TMEM196: variants seen among roughly 807,000 people sequenced by gnomAD.
The protein encoded by TMEM196 is transmembrane protein 196.
In TMEM196, 17 loss-of-function variants were observed where a neutral mutation model predicts 20.0. The ratio of observed to expected loss-of-function variants is 0.85; its 90% CI spans 0.58 to 1.27. The LOEUF is 1.27. Ranked by LOEUF, TMEM196 falls within the 50% of genes most tolerant of loss-of-function variation. TMEM196 has a pLI of 0.00. For missense variants in TMEM196, 267 were observed against 223.0 expected (o/e 1.20, Z -1.26); for synonymous variants, 113 against 88.9 (o/e 1.27, Z -1.52).
intron 1 of TMEM196, among the ~76,000 whole-genome samples, chr7:19,749,150 T>C: frequency 6.6e-6 from 1 of 152,202 alleles, no homozygotes. Context: ...TTTGTCCTGA[T>C]CACTTTATTT....
chr7:19,724,884 TA>T (rs1783937811), intron 3 of TMEM196, among the ~76,000 whole-genome samples: 1 of 152,234 alleles, frequency 6.6e-6, no homozygotes. Flanking sequence ...GACATCATAC[TA>T]TACCATTTGT....
At position 19,748,279 on chromosome 7, in the gene TMEM196, A is replaced by AC. The variant is rs1258110981; in HGVS notation, c.148-18842_148-18841insG. ...GTGGCTGTCCAAAAAAAAAAAAAAAAAAAAAAAAAAAACAGTGTAATGACA... is the reference window on the plus strand; with the variant it reads ...GTGGCTGTCCAAAAAAAAAAAAAAAACAAAAAAAAAAAACAGTGTAATGACA... On this transcript the variant is annotated intron_variant, in intron 1 of 4. Transcript: ENST00000405844. 3.1e-4 allele frequency among the ~76,000 whole-genome samples: 46 copies of AC among 150,236 alleles called. 1 individual carries two copies. Among genetic ancestry groups the AC allele is most frequent in the African/African-American group, 1.0e-3 (42 of 40,924 alleles).
intron 1 of TMEM196, among the ~76,000 whole-genome samples, chr7:19,732,925 CA>C (rs1329647417): frequency 1.3e-5 from 2 of 152,070 alleles, no homozygotes; most frequent in Admixed American, 6.5e-5. Flanking sequence ...AAGTAAAAAA[CA>C]AATTAGCTAA....
At chr7:19,754,305 A>G (rs1420076579) in intron 1 of TMEM196, among the ~76,000 whole-genome samples, 1 of 152,094 alleles carries the variant, frequency 6.6e-6, no homozygotes, top group African/African-American at 2.4e-5. Context: ...TCTTCTAACA[A>G]CTCTAAAGCC....
At chr7:19,765,760 G>A (rs73682831) in intron 1 of TMEM196, among the ~76,000 whole-genome samples, 4,255 of 152,140 alleles carry the variant, frequency 0.028, 208 homozygotes, top group African/African-American at 0.098. Context: ...TTTAGACTAA[G>A]TATTTACAAA....
chr7:19,749,540 AT>A (rs889359661), intron 1 of TMEM196, among the ~76,000 whole-genome samples: 1 of 152,146 alleles, frequency 6.6e-6, no homozygotes, highest in Non-Finnish European at 1.5e-5. Flanking sequence ...TTTTAAATAA[AT>A]TTTTTTGTGT....
chr7:19,720,123 T>A lies in TMEM196; in HGVS notation c.*2005A>T, dbSNP rs893105010. The A allele has an allele frequency of 6.6e-6, 1 of 152,084 alleles. No individual in the cohort carries two copies. The highest frequency in any genetic ancestry group is 2.4e-5 in the African/African-American group (1 of 41,452). The allele number at this position is 152,084 out of a possible 1,614,324, so 9.4% of individuals were successfully genotyped here. A position where few individuals can be genotyped will look rare whatever the true frequency, so the allele number is the denominator to read the frequency against. On this transcript the variant is annotated 3_prime_UTR_variant, in exon 5 of 5. Coordinates refer to ENST00000405844, the MANE Select transcript of TMEM196 (RefSeq NM_001363562.2). ...TTTAGATTTTCATTGGCAAAGATCA[T>A]GCCTGTTTGTGGCATTGAATGAATA... is the stretch of plus-strand genomic sequence containing the variant.
intron 1 of TMEM196, among the ~76,000 whole-genome samples, chr7:19,770,814 G>T (rs771620086): frequency 6.6e-6 from 1 of 151,930 alleles, no homozygotes; most frequent in Non-Finnish European, 1.5e-5. Flanking sequence ...CTGAGAAAAA[G>T]AAAAAATATT....
At chr7:19,723,143 G>A (rs917774068) in intron 4 of TMEM196, among the ~76,000 whole-genome samples, 5 of 152,104 alleles carry the variant, frequency 3.3e-5, no homozygotes, top group African/African-American at 1.2e-4. Flanking sequence ...TCCTAGAGAG[G>A]TATGTGATGA....
At chr7:19,737,450 A>G (rs1784449153) in intron 1 of TMEM196, among the ~76,000 whole-genome samples, 1 of 151,994 alleles carries the variant, frequency 6.6e-6, no homozygotes, top group Non-Finnish European at 1.5e-5. Flanking sequence ...TGGCCCAACA[A>G]TTGTGCTTTT....
Position 19,719,722 on chromosome 7 carries a change from C to T in TMEM196, c.*2406G>A, listed in dbSNP as rs546551240. On this transcript the variant is annotated 3_prime_UTR_variant, in exon 5 of 5. Coordinates refer to ENST00000405844, the MANE Select transcript of TMEM196 (RefSeq NM_001363562.2). ...ATCCCCCACTTATCTAAAAAAGAAT[C>T]GCCGCACATCCCAAGTAAATCATTC... 3.9e-5 allele frequency: 6 copies of T among 152,140 alleles called. No individual in the cohort carries two copies. The South Asian group carries it at 8.3e-4, about 21-fold the overall frequency. 9.4% of individuals were successfully genotyped at this position (152,140 alleles called of 1,614,324 possible). A position where few individuals can be genotyped will look rare whatever the true frequency, so the allele number is the denominator to read the frequency against.
At chr7:19,749,933 A>G (rs988652879) in intron 1 of TMEM196, among the ~76,000 whole-genome samples, 6 of 152,350 alleles carry the variant, frequency 3.9e-5, no homozygotes, top group Non-Finnish European at 7.4e-5. Flanking sequence ...AAGTTTTCAC[A>G]GTTTAGGATC....
chr7:19,772,513 G>C, intron 1 of TMEM196, 37 bp downstream of exon 1: 1 of 1,505,412 alleles, frequency 6.6e-7, no homozygotes, highest in Non-Finnish European at 8.9e-7. Context: ...TAAAGAGAGA[G>C]TGAAATGGCT....
At chr7:19,731,173 T>C (rs1202332001) in intron 1 of TMEM196, among the ~76,000 whole-genome samples, 1 of 152,188 alleles carries the variant, frequency 6.6e-6, no homozygotes, top group Non-Finnish European at 1.5e-5. Flanking sequence ...AATGTTGGGA[T>C]TATATTCGGA....
chr7:19,766,163 C>T (rs752249420), intron 1 of TMEM196, among the ~76,000 whole-genome samples: 3 of 152,142 alleles, frequency 2.0e-5, no homozygotes, highest in Admixed American at 6.5e-5. Flanking sequence ...TAAAACTTTT[C>T]CACTGATACC....
chr7:19,764,374 T>C (rs1217949218), intron 1 of TMEM196, among the ~76,000 whole-genome samples: 1 of 152,222 alleles, frequency 6.6e-6, no homozygotes, highest in Admixed American at 6.5e-5. Context: ...TTTTCAAGAC[T>C]GGTACCATCT....
At chr7:19,748,136 A>G (rs1464507063) in intron 1 of TMEM196, among the ~76,000 whole-genome samples, 8 of 151,884 alleles carry the variant, frequency 5.3e-5, no homozygotes, top group Non-Finnish European at 1.0e-4. Flanking sequence ...ATTGCTTACA[A>G]TGCTATCCTG....
chr7:19,751,603 G>C (rs1294559455), intron 1 of TMEM196, among the ~76,000 whole-genome samples: 1 of 152,092 alleles, frequency 6.6e-6, no homozygotes, highest in African/African-American at 2.4e-5. Flanking sequence ...AAATATTAAC[G>C]TGATAATGCT....
At chr7:19,759,826 A>T (rs1478830520) in intron 1 of TMEM196, among the ~76,000 whole-genome samples, 2 of 152,172 alleles carry the variant, frequency 1.3e-5, no homozygotes, top group African/African-American at 4.8e-5. Flanking sequence ...TTATCAAGTA[A>T]CTATCTGTGC....
Sources: gnomAD v4.1 joint callset for allele counts (sites outside exome capture counted in the v4.1 genomes callset) on GRCh38, gnomAD v4.1.1 for gene constraint, MANE v1.5 for transcripts, NCBI Gene and HGNC (gene_info 2026-07-23, HGNC 2026-07-21) for gene names.